Variants in TCF20 observed in about 807,000 individuals in gnomAD.
The protein encoded by TCF20 is SPRE-binding protein.
TCF20 carries 3 observed loss-of-function variants against 148.6 expected under a neutral mutation model. The observed-to-expected ratio is 0.02, with a 90% confidence interval of 0.01 to 0.05. The LOEUF (loss-of-function observed/expected upper bound fraction) is 0.05. Among genes scored for constraint, TCF20 ranks in the 10% least tolerant of loss-of-function variants. The pLI, the probability that TCF20 is intolerant of heterozygous loss-of-function variation, is 1.00. For missense variants in TCF20, 2,350 were observed against 2,429.3 expected (o/e 0.97, Z 0.69); for synonymous variants, 1,049 against 909.5 (o/e 1.15, Z -2.76).
upstream of TCF20, among the ~76,000 whole-genome samples, chr22:42,272,714 C>G (rs1179841868): frequency 6.6e-6 from 1 of 152,230 alleles, no homozygotes; most frequent in African/African-American, 2.4e-5. Context: ...CTCTTTATCC[C>G]TGAAAGCCTG....
At chr22:42,163,698 G>C (rs1230341517) in intron 5 of TCF20, among the ~76,000 whole-genome samples, 1 of 152,234 alleles carries the variant, frequency 6.6e-6, no homozygotes, top group East Asian at 1.9e-4. Context: ...GTGGCTGAGA[G>C]ACGGCTGGGT....
upstream of TCF20, among the ~76,000 whole-genome samples, chr22:42,271,046 T>C (rs1486778737): frequency 5.3e-5 from 8 of 151,942 alleles, no homozygotes; most frequent in Non-Finnish European, 1.0e-4. Context: ...ATCGCGCCTC[T>C]TGCGGCCCGG....
intron 1 of TCF20, among the ~76,000 whole-genome samples, chr22:42,308,855 T>C (rs551848393): frequency 1.3e-5 from 2 of 152,236 alleles, no homozygotes; most frequent in African/African-American, 4.8e-5. Flanking sequence ...ATGCTATTAC[T>C]TAATATCTCT....
At chr22:42,224,407 G>A (rs1293698318) in intron 1 of TCF20, among the ~76,000 whole-genome samples, 1 of 151,704 alleles carries the variant, frequency 6.6e-6, no homozygotes, top group African/African-American at 2.4e-5. Flanking sequence ...GGGAGGCAGA[G>A]ATTGCAGTGA....
intron 1 of TCF20, among the ~76,000 whole-genome samples, chr22:42,221,405 T>C (rs5751244): frequency 0.2 from 30,457 of 152,132 alleles, 3,242 homozygotes; most frequent in East Asian, 0.34. Flanking sequence ...AAACACTCCT[T>C]AAATTACCCA....
intron 1 of TCF20, among the ~76,000 whole-genome samples, chr22:42,333,638 T>C (rs1173375662): frequency 1.3e-5 from 2 of 152,220 alleles, no homozygotes. Context: ...GTGAGCCAGC[T>C]TGCCCCTCGC....
chr22:42,246,608 G>T (rs969986773), intron 1 of TCF20, among the ~76,000 whole-genome samples: 1 of 152,182 alleles, frequency 6.6e-6, no homozygotes, highest in Non-Finnish European at 1.5e-5. Flanking sequence ...AGAGGATACG[G>T]CAAGTGCCAA....
intron 2 of TCF20, among the ~76,000 whole-genome samples, chr22:42,197,203 C>T (rs1246170770): frequency 6.6e-6 from 1 of 152,124 alleles, no homozygotes; most frequent in South Asian, 2.1e-4. Flanking sequence ...TTTAAAACCA[C>T]ATCAACTCAA....
At chr22:42,205,445 A>C (rs1204971541) in intron 2 of TCF20, among the ~76,000 whole-genome samples, 1 of 152,182 alleles carries the variant, frequency 6.6e-6, no homozygotes, top group Non-Finnish European at 1.5e-5. Flanking sequence ...GCTTGTCAAA[A>C]CACCTGATAA....
intron 1 of TCF20, among the ~76,000 whole-genome samples, chr22:42,307,160 C>A (rs1927450737): frequency 6.6e-6 from 1 of 152,084 alleles, no homozygotes; most frequent in African/African-American, 2.4e-5. Flanking sequence ...CTGAGATGCA[C>A]CAAGGGAGGC....
rs189052267 is a variant in TCF20, at chr22:42,338,580, C to A, written c.-37+4899G>T. Among the ~76,000 whole-genome samples, 2 of 152,160 alleles carry A rather than the reference C, an allele frequency of 1.3e-5. No individual in the cohort carries two copies. The highest frequency in any genetic ancestry group is 2.9e-5 in the Non-Finnish European group (2 of 68,006). On this transcript the variant is annotated intron_variant, in intron 1 of 1. Transcript: ENST00000515426. This position sits in a 1 kb window ranked among gnomAD's most constrained non-coding sequence, Gnocchi z 4.0. ...CCCGGGAGGGAGGCGGGGAGGCTGG[C>A]GAGAGGCTTAATGAAACTGCTAACG...
chr22:42,243,880 T>C (rs959111774), intron 1 of TCF20, among the ~76,000 whole-genome samples: 3 of 152,124 alleles, frequency 2.0e-5, no homozygotes, highest in Non-Finnish European at 4.4e-5. Context: ...TTCATACCCA[T>C]AGGTATGGCT....
chr22:42,212,950 T>G lies in TCF20; in HGVS notation c.2356A>C (p.Thr786Pro). 2 of 1,614,204 alleles carry G rather than the reference T, an allele frequency of 1.2e-6. No homozygotes were observed. The highest frequency in any genetic ancestry group is 2.7e-5 in the African/African-American group (2 of 75,042). Residue 786 changes from threonine (T) to proline (P), a missense_variant, in exon 2 of 6, where the codon ACA (threonine) becomes CCA (proline). Around this residue, in one of 7 missense-constraint regions of TCF20, gnomAD observed 1,641 missense variants for 1,662.6 expected, o/e 0.99. Transcript: ENST00000677622. ...TGACTAACCAAGACATTGGGCCTTG[T>G]GGTTCCTTCTAGGCTACCAGCCATC... is the stretch of plus-strand genomic sequence containing the variant. ...QGMAGSLEGT[T>P]RPNVLVSQTN...
upstream of TCF20, among the ~76,000 whole-genome samples, chr22:42,286,121 G>A (rs147193912): frequency 2.1e-4 from 32 of 152,274 alleles, no homozygotes; most frequent in Admixed American, 1.1e-3. Flanking sequence ...AGCTGACAGC[G>A]TAACAGCAGT....
At chr22:42,219,371 AAAAAAAAAAAGCT>A (rs1301164459) in intron 1 of TCF20, among the ~76,000 whole-genome samples, 1 of 147,694 alleles carries the variant, frequency 6.8e-6, no homozygotes, top group Non-Finnish European at 1.5e-5. Context: ...AAAAAAAAAA[AAAAAAAAAAAGCT>A]AATAGAGATA....
chr22:42,287,731 G>A (rs1363769567), upstream of TCF20, among the ~76,000 whole-genome samples: 1 of 152,086 alleles, frequency 6.6e-6, no homozygotes, highest in East Asian at 1.9e-4. Flanking sequence ...CCATTCTACT[G>A]CTGGAAAACC....
At chr22:42,316,656 C>T (rs34873446) in intron 1 of TCF20, among the ~76,000 whole-genome samples, 86,585 of 151,332 alleles carry the variant, frequency 0.57, 25,699 homozygotes, top group African/African-American at 0.74. Context: ...CAGGCTGGTC[C>T]TGAACTTGAC....
At chr22:42,243,807 TCTA>T (rs1182757498) in intron 1 of TCF20, among the ~76,000 whole-genome samples, 1 of 152,184 alleles carries the variant, frequency 6.6e-6, no homozygotes, top group Non-Finnish European at 1.5e-5. Context: ...AGCAATAAAG[TCTA>T]CTAACATTTC....
intron 1 of TCF20, among the ~76,000 whole-genome samples, chr22:42,236,741 T>C (rs74539107): frequency 1.3e-5 from 2 of 152,190 alleles, no homozygotes; most frequent in African/African-American, 2.4e-5. Context: ...TTGCAGGTAT[T>C]GTGGGTCTGG....
Sources: allele counts gnomAD v4.1 joint callset (sites outside exome capture counted in the v4.1 genomes callset), GRCh38; gene constraint gnomAD v4.1.1; regional missense constraint gnomAD v4.1.1; non-coding constraint Gnocchi (gnomAD v3.1); transcripts MANE v1.5; gene names NCBI Gene and HGNC (gene_info 2026-07-23, HGNC 2026-07-21).